The following CHL1 variants were observed in gnomAD, a reference collection of about 807,000 sequenced individuals.
CHL1 encodes the protein cell adhesion molecule L1 like.
Under a neutral mutation model 141.9 loss-of-function variants are expected in CHL1, and 96 were observed. The ratio of observed to expected loss-of-function variants is 0.68; its 90% CI spans 0.57 to 0.80. The LOEUF is 0.80. CHL1 is among the 30% of genes least tolerant of loss of function. The pLI is 0.00. For missense variants in CHL1, 1,820 were observed against 1,457.2 expected, an observed-to-expected ratio of 1.25 and a Z score of -4.05; for synonymous variants, 613 against 502.2, an observed-to-expected ratio of 1.22 and a Z score of -2.95.
intron 10 of CHL1, among the ~76,000 whole-genome samples, chr3:350,873 G>A (rs1021759425): frequency 2.6e-5 from 4 of 152,174 alleles, no homozygotes; most frequent in Non-Finnish European, 4.4e-5. Flanking sequence ...TATTCACAAA[G>A]AAATTCAAGG....
chr3:212,181 A>G (rs1699953387), intron 1 of CHL1, among the ~76,000 whole-genome samples: 1 of 152,036 alleles, frequency 6.6e-6, no homozygotes, highest in South Asian at 2.1e-4. Flanking sequence ...TAATAAACTG[A>G]GGTTTCTACA....
At chr3:295,042 TCTC>T (rs1698064974) in intron 2 of CHL1, among the ~76,000 whole-genome samples, 1 of 152,190 alleles carries the variant, frequency 6.6e-6, no homozygotes, top group Non-Finnish European at 1.5e-5. Context: ...CCTTTCTCCT[TCTC>T]CTCTTCCTTT....
intron 1 of CHL1, among the ~76,000 whole-genome samples, chr3:199,541 T>G (rs1457984581): frequency 6.6e-6 from 1 of 152,240 alleles, no homozygotes. Flanking sequence ...ATTTTGCACA[T>G]ACTATACTTA....
chr3:293,591 A>G (rs1408681462), intron 2 of CHL1, among the ~76,000 whole-genome samples: 5 of 152,154 alleles, frequency 3.3e-5, no homozygotes, highest in South Asian at 2.1e-4. Context: ...AAAAGAATAC[A>G]TATGGAACAT....
chr3:358,580 A>G (rs113281056), intron 11 of CHL1, among the ~76,000 whole-genome samples: 5 of 152,140 alleles, frequency 3.3e-5, no homozygotes, highest in African/African-American at 1.2e-4. Flanking sequence ...TACCCAACCT[A>G]ACATTTTAAG....
chr3:266,927 C>T (rs1213842703), intron 2 of CHL1, among the ~76,000 whole-genome samples: 1 of 152,180 alleles, frequency 6.6e-6, no homozygotes, highest in Non-Finnish European at 1.5e-5. Context: ...TCACCCTCCC[C>T]TTACTTGAAA....
intron 2 of CHL1, among the ~76,000 whole-genome samples, chr3:301,678 A>G (rs1021545166): frequency 2.0e-5 from 3 of 152,236 alleles, no homozygotes; most frequent in African/African-American, 7.2e-5. Flanking sequence ...ATTGCCATAT[A>G]GTAGTTACAT....
chr3:229,735 T>G (rs1341005957), intron 1 of CHL1, among the ~76,000 whole-genome samples: 1 of 152,214 alleles, frequency 6.6e-6, no homozygotes, highest in Admixed American at 6.5e-5. Flanking sequence ...CTGGACTTGA[T>G]ATTCTTTTAC....
At chr3:317,278 A>C (rs895364155) in intron 2 of CHL1, among the ~76,000 whole-genome samples, 1 of 151,966 alleles carries the variant, frequency 6.6e-6, no homozygotes, top group Non-Finnish European at 1.5e-5. Flanking sequence ...TGGGATCACC[A>C]TTACTGAATA....
chr3:236,795 C>G (rs557699575), intron 1 of CHL1, among the ~76,000 whole-genome samples: 1 of 145,840 alleles, frequency 6.9e-6, no homozygotes, highest in Non-Finnish European at 1.5e-5. Flanking sequence ...AATCCCATGG[C>G]CCCAGCCTCT....
intron 1 of CHL1, among the ~76,000 whole-genome samples, chr3:215,707 CT>C (rs1007114996): frequency 1.8e-3 from 272 of 150,890 alleles, no homozygotes; most frequent in Middle Eastern, 0.01. Context: ...TGGGTTTGCT[CT>C]TTTTTTTTGC....
At chr3:294,831 A>G (rs1446499021) in intron 2 of CHL1, among the ~76,000 whole-genome samples, 1 of 152,244 alleles carries the variant, frequency 6.6e-6, no homozygotes, top group Non-Finnish European at 1.5e-5. Context: ...GTGAGAATGC[A>G]TGGCAATACA....
rs1472231774 is a variant in CHL1 at position 408,911 on chromosome 3, G to A, written c.*3200G>A. On this transcript the variant is annotated 3_prime_UTR_variant, in exon 28 of 28. Transcript: ENST00000256509. Reference sequence around the variant, plus strand: ...AGAGCACAATGGAATTATGCTGGAAGTCTCAAATAATATTTTTTTCCTATT... The same window carrying A: ...AGAGCACAATGGAATTATGCTGGAAATCTCAAATAATATTTTTTTCCTATT... The A allele has an allele frequency of 1.3e-5, 2 of 152,072 alleles. No homozygotes were observed. The highest frequency in any genetic ancestry group is 2.9e-5 in the Non-Finnish European group (2 of 67,976). The allele number at this position is 152,072 out of a possible 1,614,324, so 9.4% of individuals were successfully genotyped here. A position where few individuals can be genotyped will look rare whatever the true frequency, so the allele number is the denominator to read the frequency against.
rs189388462 is a variant in CHL1, at chr3:380,902, T to C, written c.1877-1277T>C. Reference sequence around the variant, plus strand: ...TTTATGTGTGAGGCACTGTGGGCAATGCAAAGCTTAATAAAATATGACCCC... The same window carrying C: ...TTTATGTGTGAGGCACTGTGGGCAACGCAAAGCTTAATAAAATATGACCCC... On this transcript the variant is annotated intron_variant, in intron 16 of 27. Transcript: ENST00000256509. 1.4e-4 allele frequency among the ~76,000 whole-genome samples: 22 copies of C among 152,334 alleles called. No individual in the cohort carries two copies. The South Asian group carries it at 4.6e-3, about 32-fold the overall frequency.
chr3:380,599 T>A (rs990315869), intron 16 of CHL1, among the ~76,000 whole-genome samples: 2 of 152,216 alleles, frequency 1.3e-5, no homozygotes, highest in African/African-American at 2.4e-5. Flanking sequence ...CCAGTTTCTG[T>A]CACAACATTT....
chr3:255,326 C>A lies in CHL1; in HGVS notation c.-95+10634C>A, dbSNP rs561149828. On this transcript the variant is annotated intron_variant, in intron 2 of 27. Transcript: ENST00000256509. The stretch of plus-strand genomic sequence containing the variant: ...TAGGATTCAAAGGCAACAGGGAAGA[C>A]TTCCTAGAGTTTCATGTGATCATAA... Among the ~76,000 whole-genome samples the A allele has an allele frequency of 2.0e-5, 3 of 152,318 alleles. No individual in the cohort carries two copies. The South Asian group carries it at 6.2e-4, about 32-fold the overall frequency.
chr3:240,954 A>G (rs1329487684), intron 1 of CHL1, among the ~76,000 whole-genome samples: 2 of 152,272 alleles, frequency 1.3e-5, no homozygotes, highest in South Asian at 2.1e-4. Context: ...CCATTGGTCT[A>G]TGTGCCTAGT....
chr3:331,087 A>C (rs1701399049), intron 5 of CHL1, among the ~76,000 whole-genome samples: 1 of 152,178 alleles, frequency 6.6e-6, no homozygotes, highest in Non-Finnish European at 1.5e-5. Flanking sequence ...AGTGGATAAA[A>C]GGCTGAACAG....
intron 1 of CHL1, among the ~76,000 whole-genome samples, chr3:242,378 C>A (rs9870975): frequency 2.1e-5 from 3 of 140,834 alleles, no homozygotes; most frequent in Non-Finnish European, 4.6e-5. Context: ...GGGCAGATCA[C>A]GAGGTCAGGA....
Sources: gnomAD v4.1 joint callset for allele counts (sites outside exome capture counted in the v4.1 genomes callset) on GRCh38, gnomAD v4.1.1 for gene constraint, MANE v1.5 for transcripts, NCBI Gene and HGNC (gene_info 2026-07-23, HGNC 2026-07-21) for gene names.